RSRC1: variants seen among roughly 807,000 people sequenced by gnomAD.
RSRC1 encodes arginine and serine rich coiled-coil 1, also known as serine/Arginine-related protein 53.
RSRC1 carries 39 observed loss-of-function variants against 49.1 expected under a neutral mutation model. The observed-to-expected ratio is 0.79, with a 90% confidence interval of 0.61 to 1.04. The LOEUF is 1.04. Among genes scored for constraint, RSRC1 ranks in the 50% least tolerant of loss-of-function variants. RSRC1 has a pLI of 0.00. For missense variants in RSRC1, 388 were observed against 402.4 expected (o/e 0.96, Z 0.31); for synonymous variants, 143 against 130.8 (o/e 1.09, Z -0.63).
At chr3:158,154,785 C>T (rs1717761041) in intron 3 of RSRC1, among the ~76,000 whole-genome samples, 1 of 152,070 alleles carries the variant, frequency 6.6e-6, no homozygotes, top group Admixed American at 6.6e-5. Flanking sequence ...AAATTAGAGT[C>T]AGTCTTCTCA....
At chr3:158,471,528 C>A (rs1323981613) in intron 7 of RSRC1, among the ~76,000 whole-genome samples, 1 of 152,102 alleles carries the variant, frequency 6.6e-6, no homozygotes, top group Non-Finnish European at 1.5e-5. Context: ...CTTGCTCCCT[C>A]TTCAAAGTAA....
intron 4 of RSRC1, among the ~76,000 whole-genome samples, chr3:158,235,250 C>T (rs1245881305): frequency 6.6e-6 from 1 of 151,616 alleles, no homozygotes; most frequent in Non-Finnish European, 1.5e-5. Context: ...TCAGGTTGAA[C>T]ATTGTTTGTC....
At chr3:158,497,506 G>A (rs917619782) in intron 7 of RSRC1, among the ~76,000 whole-genome samples, 17 of 148,952 alleles carry the variant, frequency 1.1e-4, no homozygotes, top group Non-Finnish European at 1.8e-4. Flanking sequence ...GCTCAATCTC[G>A]GCTCACTGCA....
At chr3:158,482,683 T>C (rs1000535554) in intron 7 of RSRC1, among the ~76,000 whole-genome samples, 1 of 152,056 alleles carries the variant, frequency 6.6e-6, no homozygotes, top group Admixed American at 6.6e-5. Flanking sequence ...TCAACTATCA[T>C]ACTCTGTAAG....
At chr3:158,120,774 G>A (rs568869746) in intron 1 of RSRC1, among the ~76,000 whole-genome samples, 235 of 149,136 alleles carry the variant, frequency 1.6e-3, no homozygotes, top group Non-Finnish European at 2.7e-3. Flanking sequence ...TTATAGTGAC[G>A]GTATTTAACT....
chr3:158,249,931 GT>G, intron 4 of RSRC1, among the ~76,000 whole-genome samples: 1 of 151,884 alleles, frequency 6.6e-6, no homozygotes, highest in Non-Finnish European at 1.5e-5. Context: ...CTATATTTCT[GT>G]ACCCACTAAC....
chr3:158,140,517 A>G (rs1202539917), intron 3 of RSRC1, among the ~76,000 whole-genome samples: 36 of 152,284 alleles, frequency 2.4e-4, no homozygotes, highest in Non-Finnish European at 4.4e-5. Flanking sequence ...ATCTCTTTCC[A>G]GAGCTCTCTT....
At chr3:158,272,270 G>A (rs1725562768) in intron 4 of RSRC1, among the ~76,000 whole-genome samples, 1 of 152,124 alleles carries the variant, frequency 6.6e-6, no homozygotes, top group South Asian at 2.1e-4. Flanking sequence ...TGGAATAACA[G>A]TGTAATGTAC....
At chr3:158,442,710 G>A (rs1478104047) in intron 6 of RSRC1, among the ~76,000 whole-genome samples, 1 of 152,040 alleles carries the variant, frequency 6.6e-6, no homozygotes, top group Non-Finnish European at 1.5e-5. Flanking sequence ...ATCCTTTCCA[G>A]AAGGTTTTCA....
intron 3 of RSRC1, among the ~76,000 whole-genome samples, chr3:158,161,420 C>G (rs1255028929): frequency 6.6e-6 from 1 of 152,144 alleles, no homozygotes; most frequent in Non-Finnish European, 1.5e-5. Flanking sequence ...TTGGCCAAAG[C>G]AAATCATGGG....
chr3:158,228,280 C>T (rs773294065), intron 4 of RSRC1, among the ~76,000 whole-genome samples: 2 of 151,974 alleles, frequency 1.3e-5, no homozygotes, highest in Non-Finnish European at 2.9e-5. Context: ...ACAGAATACT[C>T]AGGGAATAAG....
intron 6 of RSRC1, among the ~76,000 whole-genome samples, chr3:158,407,895 G>A (rs1225136850): frequency 6.6e-6 from 1 of 152,016 alleles, no homozygotes; most frequent in Non-Finnish European, 1.5e-5. Context: ...AGAATTCTTG[G>A]GGGCCCAGTC....
At chr3:158,209,313 C>G (rs539809524) in intron 4 of RSRC1, among the ~76,000 whole-genome samples, 1 of 152,174 alleles carries the variant, frequency 6.6e-6, no homozygotes, top group East Asian at 1.9e-4. Context: ...AAGGCTTCCC[C>G]CTCCTACGTG....
chr3:158,180,219 A>C (rs776441377), intron 3 of RSRC1, among the ~76,000 whole-genome samples: 1 of 151,796 alleles, frequency 6.6e-6, no homozygotes, highest in Non-Finnish European at 1.5e-5. Flanking sequence ...GGTGAAGTCT[A>C]GTTTTATCAG....
intron 7 of RSRC1, among the ~76,000 whole-genome samples, chr3:158,509,712 C>T (rs1477726581): frequency 7.9e-5 from 12 of 152,016 alleles, no homozygotes; most frequent in Non-Finnish European, 1.0e-4. Flanking sequence ...TTATGACTTG[C>T]TTTCTTTTTC....
chr3:158,405,829 T>G (rs1352229667), intron 6 of RSRC1, among the ~76,000 whole-genome samples: 13 of 152,106 alleles, frequency 8.5e-5, no homozygotes. Context: ...GCTAAAGTAA[T>G]GCCCGTAAAT....
intron 5 of RSRC1, among the ~76,000 whole-genome samples, chr3:158,321,589 A>G (rs1269743235): frequency 2.0e-5 from 3 of 149,380 alleles, no homozygotes; most frequent in African/African-American, 7.4e-5. Context: ...CACACTATGT[A>G]TTTATATGTA....
chr3:158,237,525 T>A (rs569730347), intron 4 of RSRC1, among the ~76,000 whole-genome samples: 1 of 152,354 alleles, frequency 6.6e-6, no homozygotes, highest in Admixed American at 6.5e-5. Flanking sequence ...ATTCCAACTA[T>A]TCTAATGGAT....
intron 4 of RSRC1, among the ~76,000 whole-genome samples, chr3:158,293,291 T>TACATACATAC (rs1457832720): frequency 6.6e-6 from 1 of 152,066 alleles, no homozygotes; most frequent in Non-Finnish European, 1.5e-5. Flanking sequence ...CATACATACA[T>TACATACATAC]ATGTGTACGT....
Sources: gnomAD v4.1 joint callset for allele counts (sites outside exome capture counted in the v4.1 genomes callset) on GRCh38, gnomAD v4.1.1 for gene constraint, MANE v1.5 for transcripts, NCBI Gene and HGNC (gene_info 2026-07-23, HGNC 2026-07-21) for gene names.